Variants in UXS1 observed in about 807,000 individuals in gnomAD.
The protein encoded by UXS1 is UDP-glucuronic acid decarboxylase 1.
Under a neutral mutation model 62.6 loss-of-function variants are expected in UXS1, and 33 were observed. The observed-to-expected ratio is 0.53, with a 90% CI of 0.40 to 0.70. The LOEUF (loss-of-function observed/expected upper bound fraction) is 0.70, where lower values mean the gene tolerates loss of function less well. Ranked by LOEUF, UXS1 falls within the 30% of genes least tolerant of loss-of-function variation. The pLI is 0.00. For synonymous variants in UXS1, 213 were observed against 206.8 expected (o/e 1.03, Z -0.26); for missense variants, 434 against 556.3 (o/e 0.78, Z 2.21).
intron 9 of UXS1, among the ~76,000 whole-genome samples, chr2:106,121,715 G>A (rs114036867): frequency 1.3e-3 from 200 of 152,340 alleles, no homozygotes; most frequent in African/African-American, 4.2e-3. Context: ...AAGGCAATTA[G>A]TTCTGCTTCT....
chr2:106,173,159 C>G (rs768045374), intron 1 of UXS1, among the ~76,000 whole-genome samples: 4 of 152,204 alleles, frequency 2.6e-5, no homozygotes, highest in Non-Finnish European at 4.4e-5. Flanking sequence ...GTGCTGTTAT[C>G]TAGGGTACTG....
At chr2:106,187,156 T>C (rs1013686242) in intron 1 of UXS1, among the ~76,000 whole-genome samples, 1 of 152,206 alleles carries the variant, frequency 6.6e-6, no homozygotes, top group Admixed American at 6.5e-5. Flanking sequence ...TTCACTAAAA[T>C]ATTCTTTTAG....
chr2:106,115,483 T>C (rs567736699), intron 9 of UXS1, among the ~76,000 whole-genome samples: 5 of 152,338 alleles, frequency 3.3e-5, no homozygotes, highest in African/African-American at 1.2e-4. Context: ...TTTCACTTTA[T>C]GCTCTGTGGT....
intron 13 of UXS1, among the ~76,000 whole-genome samples, chr2:106,098,013 G>A (rs190830061): frequency 4.5e-4 from 69 of 152,356 alleles, no homozygotes; most frequent in African/African-American, 1.6e-3. Flanking sequence ...CCAGCCAAGC[G>A]GGGTCTGAAT....
intron 1 of UXS1, among the ~76,000 whole-genome samples, chr2:106,192,509 G>A (rs1684995739): frequency 5.3e-5 from 8 of 151,208 alleles, no homozygotes; most frequent in Admixed American, 5.3e-4. Flanking sequence ...AGCCGAGATC[G>A]CGCCCCTGCA....
chr2:106,127,292 T>A (rs542712826), intron 7 of UXS1, among the ~76,000 whole-genome samples: 1 of 152,316 alleles, frequency 6.6e-6, no homozygotes, highest in Non-Finnish European at 1.5e-5. Flanking sequence ...AGTAGATGCA[T>A]ACTTAGTTTT....
chr2:106,178,575 T>C (rs898362776), intron 1 of UXS1, among the ~76,000 whole-genome samples: 7 of 152,074 alleles, frequency 4.6e-5, no homozygotes, highest in Non-Finnish European at 8.8e-5. Flanking sequence ...TGTGTATATA[T>C]ATATGTGTAT....
intron 14 of UXS1, among the ~76,000 whole-genome samples, chr2:106,095,895 A>G (rs568782403): frequency 6.6e-6 from 1 of 152,322 alleles, no homozygotes; most frequent in African/African-American, 2.4e-5. Flanking sequence ...AGGGCACAGC[A>G]GGCGGCAGAG....
chr2:106,143,437 A>AAAAAAAAAAAAAAAG (rs1558719544), intron 6 of UXS1, among the ~76,000 whole-genome samples: 2 of 122,750 alleles, frequency 1.6e-5, no homozygotes, highest in Admixed American at 8.5e-5. Context: ...AAAAAAAAAA[A>AAAAAAAAAAAAAAAG]AGGTATAATT....
At chr2:106,136,992 C>CAAAA (rs1680706546) in intron 6 of UXS1, among the ~76,000 whole-genome samples, 1 of 98,506 alleles carries the variant, frequency 1.0e-5, no homozygotes, top group Non-Finnish European at 2.2e-5. Context: ...AAAAAGAAAG[C>CAAAA]CAAGTCTGAA....
intron 9 of UXS1, among the ~76,000 whole-genome samples, chr2:106,122,056 A>G (rs1015056274): frequency 2.0e-5 from 3 of 152,158 alleles, no homozygotes; most frequent in Admixed American, 6.5e-5. Flanking sequence ...CCTCCTACAG[A>G]GCACATAGCC....
At chr2:106,108,100 A>C (rs1337897341) in intron 10 of UXS1, among the ~76,000 whole-genome samples, 1 of 152,198 alleles carries the variant, frequency 6.6e-6, no homozygotes, top group African/African-American at 2.4e-5. Flanking sequence ...GCAGCCTGGA[A>C]TACTTCCTTC....
rs1217233534 is a variant in UXS1, at chr2:106,112,738, T to C, written c.787A>G (p.Ile263Val). The part of the protein sequence containing the change: ...QEGVEVRVAR[I>V]FNTFGPRMHM... ...ATGCGTGGCCCAAAGGTGTTGAAGA[T>C]TCTGGCCACTCGCACTTCCACGCCT... Residue 263 changes from isoleucine (I) to valine (V), a missense_variant, in exon 10 of 15, where the codon ATC (isoleucine) becomes GTC (valine). This residue lies in a region of UXS1 where 209 missense variants were observed against 233.3 expected (regional missense o/e 0.90). Coordinates refer to ENST00000283148, the MANE Select transcript of UXS1 (RefSeq NM_001253875.2). 1 of 1,613,970 alleles carries C rather than the reference T, an allele frequency of 6.2e-7. No individual in the cohort carries two copies. Among genetic ancestry groups the C allele is most frequent in the Non-Finnish European group, 8.5e-7 (1 of 1,179,890 alleles).
intron 9 of UXS1, among the ~76,000 whole-genome samples, chr2:106,113,808 G>T (rs1248935171): frequency 1.3e-5 from 2 of 152,228 alleles, no homozygotes; most frequent in African/African-American, 4.8e-5. Flanking sequence ...ACCGCTCACT[G>T]CCCAGGCCTG....
chr2:106,161,572 G>A (rs566154044), intron 4 of UXS1, among the ~76,000 whole-genome samples: 39 of 152,300 alleles, frequency 2.6e-4, no homozygotes, highest in African/African-American at 8.4e-4. Flanking sequence ...CCAGCAAGCA[G>A]AGGCAGAATG....
chr2:106,181,183 G>A (rs187999052), intron 1 of UXS1, among the ~76,000 whole-genome samples: 17 of 152,264 alleles, frequency 1.1e-4, no homozygotes, highest in African/African-American at 4.1e-4. Context: ...CACCAGTGAG[G>A]CTAAGCATCA....
At chr2:106,150,982 TG>T (rs1681965752) in intron 5 of UXS1, among the ~76,000 whole-genome samples, 1 of 152,222 alleles carries the variant, frequency 6.6e-6, no homozygotes, top group Non-Finnish European at 1.5e-5. Context: ...TTTGCCCTGT[TG>T]GGTTTTGGAC....
chr2:106,146,892 T>G (rs1410594085), intron 5 of UXS1, among the ~76,000 whole-genome samples: 6 of 151,830 alleles, frequency 4.0e-5, no homozygotes, highest in South Asian at 4.2e-4. Context: ...CAGTGGCTCA[T>G]GCCTGTACCC....
intron 1 of UXS1, among the ~76,000 whole-genome samples, chr2:106,176,073 C>T (rs1214468858): frequency 6.6e-6 from 1 of 152,190 alleles, no homozygotes; most frequent in Admixed American, 6.5e-5. Flanking sequence ...CAGTCAAAGG[C>T]ACTGCTTTGC....
Sources: gnomAD v4.1 joint callset for allele counts (sites outside exome capture counted in the v4.1 genomes callset) on GRCh38, gnomAD v4.1.1 for gene constraint, gnomAD v4.1.1 regional missense constraint, MANE v1.5 for transcripts, NCBI Gene and HGNC (gene_info 2026-07-23, HGNC 2026-07-21) for gene names.